PLCB1: variants seen among roughly 807,000 people sequenced by gnomAD.
The protein encoded by PLCB1 is phospholipase C beta 1.
A neutral mutation model predicts 161.8 loss-of-function variants in PLCB1; 46 were observed. The observed-to-expected ratio is 0.28, with a 90% confidence interval of 0.22 to 0.36. The LOEUF (loss-of-function observed/expected upper bound fraction) is 0.36. Ranked by LOEUF, PLCB1 falls within the 10% of genes least tolerant of loss-of-function variation. The pLI, the probability that PLCB1 is intolerant of heterozygous loss-of-function variation, is 1.00. For missense variants in PLCB1, 1,016 were observed against 1,472.5 expected, an observed-to-expected ratio of 0.69 and a Z score of 5.07; for synonymous variants, 517 against 503.7, an observed-to-expected ratio of 1.03 and a Z score of -0.35.
At chr20:8,438,033 A>G (rs1342498253) in intron 3 of PLCB1, among the ~76,000 whole-genome samples, 5 of 152,266 alleles carry the variant, frequency 3.3e-5, no homozygotes, top group African/African-American at 1.2e-4. Flanking sequence ...TTATTTTATT[A>G]TTTGTAGAAC....
At chr20:8,487,419 T>C (rs1351305130) in intron 3 of PLCB1, among the ~76,000 whole-genome samples, 1 of 152,164 alleles carries the variant, frequency 6.6e-6, no homozygotes, top group African/African-American at 2.4e-5. Context: ...CTCAGGGACA[T>C]AGAAAGACAC....
chr20:8,314,057 A>G (rs1984527172), intron 2 of PLCB1, among the ~76,000 whole-genome samples: 1 of 152,196 alleles, frequency 6.6e-6, no homozygotes. Context: ...AGGTAGTTCC[A>G]TTTTCAAAGT....
At chr20:8,800,551 C>T (rs778009555) in intron 31 of PLCB1, among the ~76,000 whole-genome samples, 15 of 152,132 alleles carry the variant, frequency 9.9e-5, no homozygotes, top group African/African-American at 3.4e-4. Context: ...AAATGGATTT[C>T]GCCCTATCTA....
At chr20:8,734,665 C>T (rs1047730469) in intron 19 of PLCB1, among the ~76,000 whole-genome samples, 2 of 151,710 alleles carry the variant, frequency 1.3e-5, no homozygotes, top group Non-Finnish European at 2.9e-5. Context: ...TTTTTAGCTA[C>T]CAGAAAATAT....
At chr20:8,195,170 A>G (rs188237827) in intron 2 of PLCB1, among the ~76,000 whole-genome samples, 19 of 152,122 alleles carry the variant, frequency 1.2e-4, no homozygotes, top group African/African-American at 4.6e-4. Context: ...CCTGTGTGCT[A>G]TTAGTAGAAA....
intron 31 of PLCB1, among the ~76,000 whole-genome samples, chr20:8,818,812 G>A (rs1410468933): frequency 1.3e-5 from 2 of 152,020 alleles, no homozygotes; most frequent in African/African-American, 4.8e-5. Context: ...GTGGTGGCAT[G>A]TGCTTGTAAT....
chr20:8,226,159 C>A (rs1023236265), intron 2 of PLCB1, among the ~76,000 whole-genome samples: 19 of 152,160 alleles, frequency 1.2e-4, no homozygotes, highest in African/African-American at 4.3e-4. Flanking sequence ...CATTCTCACA[C>A]CCCTGTTGAT....
At chr20:8,748,284 A>T (rs1981274455) in intron 23 of PLCB1, among the ~76,000 whole-genome samples, 1 of 152,196 alleles carries the variant, frequency 6.6e-6, no homozygotes, top group Non-Finnish European at 1.5e-5. Context: ...AACTAGGAAA[A>T]CCATAGTAAT....
At chr20:8,875,525 A>T (rs1342215280) in intron 31 of PLCB1, among the ~76,000 whole-genome samples, 1 of 147,762 alleles carries the variant, frequency 6.8e-6, no homozygotes, top group Admixed American at 6.8e-5. Context: ...ATATAAATAT[A>T]ATATATTAAT....
chr20:8,545,670 G>A (rs1351771210), intron 3 of PLCB1, among the ~76,000 whole-genome samples: 1 of 152,178 alleles, frequency 6.6e-6, no homozygotes, highest in East Asian at 1.9e-4. Flanking sequence ...TGAGAAAGAA[G>A]AAAGTACCAA....
chr20:8,216,819 C>G (rs1202941504), intron 2 of PLCB1, among the ~76,000 whole-genome samples: 1 of 152,102 alleles, frequency 6.6e-6, no homozygotes, highest in African/African-American at 2.4e-5. Context: ...TATATAGAAA[C>G]TCAAGTACAT....
rs1436443052 is a variant in PLCB1, at chr20:8,337,811, G to A, written c.178-33571G>A. Among the ~76,000 whole-genome samples the A allele has an allele frequency of 2.0e-5, 3 of 152,256 alleles. No homozygotes were observed. The South Asian group carries it at 6.2e-4, about 32-fold the overall frequency. On this transcript the variant is annotated intron_variant, in intron 2 of 31. Coordinates refer to ENST00000338037, the MANE Select transcript of PLCB1 (RefSeq NM_015192.4). Reference sequence around the variant, plus strand: ...TTTTCCAAAGCGGTTTATCTTCTTGGTAAGTTAACTATGTTTAAGATTTAG... The same window carrying A: ...TTTTCCAAAGCGGTTTATCTTCTTGATAAGTTAACTATGTTTAAGATTTAG...
At chr20:8,455,922 C>T (rs141584515) in intron 3 of PLCB1, among the ~76,000 whole-genome samples, 6 of 152,262 alleles carry the variant, frequency 3.9e-5, no homozygotes, top group African/African-American at 1.4e-4. Flanking sequence ...GGTAATCAGG[C>T]AGGGGCAGTA....
At chr20:8,712,664 A>G (rs1013883922) in intron 12 of PLCB1, among the ~76,000 whole-genome samples, 1 of 152,252 alleles carries the variant, frequency 6.6e-6, no homozygotes, top group Middle Eastern at 3.2e-3. Context: ...GAAATTTTGA[A>G]CAAGGTTCTT....
At position 8,329,770 on chromosome 20, in the gene PLCB1, A is replaced by G. The variant is rs772252449; in HGVS notation, c.178-41612A>G. On this transcript the variant is annotated intron_variant, in intron 2 of 31. Transcript: ENST00000338037. ...GTGGTTTGCTTTTAGAGTTTGCTTC[A>G]GAGTCCACCTATGCAATTCTCAGAG... Among the ~76,000 whole-genome samples the G allele has an allele frequency of 1.6e-4, 25 of 152,274 alleles. No homozygotes were observed. In the Middle Eastern group the frequency reaches 0.014, roughly 83 times the overall value.
intron 2 of PLCB1, among the ~76,000 whole-genome samples, chr20:8,201,445 A>G (rs2052090468): frequency 6.6e-6 from 1 of 152,126 alleles, no homozygotes; most frequent in African/African-American, 2.4e-5. Context: ...TTTTTTTAGC[A>G]AAAACTTCAA....
intron 3 of PLCB1, among the ~76,000 whole-genome samples, chr20:8,417,782 T>G (rs1230385984): frequency 2.0e-5 from 3 of 152,192 alleles, no homozygotes; most frequent in Non-Finnish European, 4.4e-5. Context: ...AGAGAGAAAA[T>G]CGTCAAATAC....
rs1306558198 is a variant in PLCB1 at position 8,874,750 on chromosome 20, G to T, written c.3424-6872G>T. 2.6e-5 allele frequency among the ~76,000 whole-genome samples: 4 copies of T among 152,088 alleles called. No individual in the cohort carries two copies. The East Asian group carries it at 7.7e-4, about 29-fold the overall frequency. ...TTTTGTTTTGTTTTATTTTTTGGTT[G>T]CTTTGCCTGTACAAACAATGCTAAA... On this transcript the variant is annotated intron_variant, in intron 31 of 31. Transcript: ENST00000338037.
chr20:8,735,544 G>A (rs1302423899), intron 19 of PLCB1, among the ~76,000 whole-genome samples: 1 of 152,160 alleles, frequency 6.6e-6, no homozygotes, highest in East Asian at 1.9e-4. Flanking sequence ...ATTTTATAAT[G>A]CCAGAATGGA....
Sources: gnomAD v4.1 joint callset for allele counts (sites outside exome capture counted in the v4.1 genomes callset) on GRCh38, gnomAD v4.1.1 for gene constraint, MANE v1.5 for transcripts, NCBI Gene and HGNC (gene_info 2026-07-23, HGNC 2026-07-21) for gene names.